Variants in FBXO36 observed in about 807,000 individuals in gnomAD.
The protein encoded by FBXO36 is F-box only protein 36.
In FBXO36, 18 loss-of-function variants were observed where a neutral mutation model predicts 17.0. The observed-to-expected ratio is 1.06, with a 90% confidence interval of 0.73 to 1.57. The LOEUF (loss-of-function observed/expected upper bound fraction) is 1.57, where lower values mean the gene tolerates loss of function less well. FBXO36 is among the 40% of genes most tolerant of loss of function. The probability of loss-of-function intolerance (pLI) is 0.00; values close to 1 mark genes in which losing one functional copy is unlikely to be tolerated. For missense variants in FBXO36, 229 were observed against 221.9 expected (o/e 1.03, Z -0.20); for synonymous variants, 83 against 85.3 (o/e 0.97, Z 0.15).
intron 2 of FBXO36, among the ~76,000 whole-genome samples, chr2:229,985,414 C>G (rs1013528773): frequency 6.6e-6 from 1 of 152,068 alleles, no homozygotes; most frequent in Non-Finnish European, 1.5e-5. Flanking sequence ...CTCTAGGTTT[C>G]TTTTTTAGAC....
intron 1 of FBXO36, among the ~76,000 whole-genome samples, chr2:229,971,368 A>G (rs2077179282): frequency 6.6e-6 from 1 of 151,932 alleles, no homozygotes. Context: ...AGAAAAAAAA[A>G]AAAAAAGAAC....
At chr2:229,982,665 G>A (rs917290941) in intron 2 of FBXO36, among the ~76,000 whole-genome samples, 6 of 151,288 alleles carry the variant, frequency 4.0e-5, no homozygotes, top group African/African-American at 1.5e-4. Context: ...AATTTAGCCA[G>A]GCATGGTGGT....
intron 3 of FBXO36, among the ~76,000 whole-genome samples, chr2:229,999,847 C>T (rs2077348842): frequency 6.6e-6 from 1 of 151,986 alleles, no homozygotes. Flanking sequence ...TTTTCTGCTC[C>T]TCCTCTTCCT....
intron 2 of FBXO36, among the ~76,000 whole-genome samples, chr2:229,993,901 G>A (rs1282302528): frequency 6.6e-6 from 1 of 150,834 alleles, no homozygotes; most frequent in Non-Finnish European, 1.5e-5. Context: ...GACTACAGGC[G>A]CCCACCACCA....
intron 1 of FBXO36, among the ~76,000 whole-genome samples, chr2:229,969,403 T>A (rs1039797502): frequency 3.2e-4 from 48 of 149,986 alleles, no homozygotes; most frequent in African/African-American, 1.1e-3. Context: ...AAAAAAAAAA[T>A]TCAGGCCAGG....
intron 1 of FBXO36, among the ~76,000 whole-genome samples, chr2:229,938,929 T>C (rs1213170598): frequency 1.3e-5 from 2 of 148,802 alleles, no homozygotes; most frequent in African/African-American, 5.0e-5. Flanking sequence ...CCCGCCACCA[T>C]GCCCGGCTAA....
chr2:229,943,285 T>G (rs1275543492), intron 1 of FBXO36: 1 of 152,240 alleles, frequency 6.6e-6, no homozygotes, highest in African/African-American at 2.4e-5. Flanking sequence ...CCTCTTTTCT[T>G]TGCTCAAATC....
At chr2:229,987,563 G>A (rs1471474172) in intron 2 of FBXO36, among the ~76,000 whole-genome samples, 1 of 151,944 alleles carries the variant, frequency 6.6e-6, no homozygotes, top group African/African-American at 2.4e-5. Context: ...CTTTCCTTAA[G>A]TCTGGTTTGT....
intron 1 of FBXO36, among the ~76,000 whole-genome samples, chr2:229,942,039 TG>T (rs1481376974): frequency 6.6e-6 from 1 of 151,898 alleles, no homozygotes; most frequent in Non-Finnish European, 1.5e-5. Flanking sequence ...AAAATTTAGA[TG>T]GGCTTAATGC....
intron 3 of FBXO36, among the ~76,000 whole-genome samples, chr2:230,009,163 C>T (rs2077401909): frequency 6.6e-6 from 1 of 152,042 alleles, no homozygotes; most frequent in Admixed American, 6.6e-5. Context: ...TTTCTTCCTC[C>T]CCAGGAGGAA....
chr2:229,954,925 C>A (rs954124153), intron 1 of FBXO36, among the ~76,000 whole-genome samples: 2 of 151,640 alleles, frequency 1.3e-5, no homozygotes, highest in African/African-American at 2.4e-5. Context: ...TCTCGGCTCA[C>A]TGCAACCTCT....
chr2:229,932,146 A>G (rs1436102727), intron 1 of FBXO36, among the ~76,000 whole-genome samples: 1 of 151,816 alleles, frequency 6.6e-6, no homozygotes, highest in Non-Finnish European at 1.5e-5. Context: ...CTTCAGGAGG[A>G]CGAGGTGGGC....
Position 229,922,731 on chromosome 2 carries a change from T to C in FBXO36, c.96+122T>C, listed in dbSNP as rs374860333. Reference sequence around the variant, plus strand: ...CCCGCCGGAAGCGCCCAGTCCCGGCTCCGCGCCGGGAGATTTTCCTCGTCA... The same window carrying C: ...CCCGCCGGAAGCGCCCAGTCCCGGCCCCGCGCCGGGAGATTTTCCTCGTCA... On this transcript the variant is annotated intron_variant, in intron 1 of 3. Coordinates refer to ENST00000283946, the MANE Select transcript of FBXO36 (RefSeq NM_174899.5). 7.2e-6 allele frequency: 7 copies of C among 966,636 alleles called. No homozygotes were observed. In the African/African-American group the frequency reaches 1.0e-4, roughly 14 times the overall value. The allele number at this position is 966,636 out of a possible 1,614,324, so 59.9% of individuals were successfully genotyped here. A position where few individuals can be genotyped will look rare whatever the true frequency, so the allele number is the denominator to read the frequency against.
intron 1 of FBXO36, among the ~76,000 whole-genome samples, chr2:229,939,530 G>A (rs532129986): frequency 6.6e-6 from 1 of 152,174 alleles, no homozygotes; most frequent in South Asian, 2.1e-4. Flanking sequence ...AGAATCGCTT[G>A]AGCCCGGGAA....
At chr2:229,954,570 G>A (rs1464204946) in intron 1 of FBXO36, among the ~76,000 whole-genome samples, 15 of 107,900 alleles carry the variant, frequency 1.4e-4, no homozygotes, top group East Asian at 2.8e-4. Flanking sequence ...TTTTTGAGAC[G>A]GGAGTCTCGC....
intron 1 of FBXO36, chr2:229,939,125 C>A: frequency 2.2e-6 from 1 of 446,220 alleles, no homozygotes; most frequent in Non-Finnish European, 2.9e-6. Flanking sequence ...GCCATCTTGG[C>A]TCACCGCAAC....
intron 1 of FBXO36, among the ~76,000 whole-genome samples, chr2:229,938,306 C>T (rs1350109599): frequency 1.4e-5 from 2 of 145,622 alleles, no homozygotes; most frequent in Non-Finnish European, 3.0e-5. Flanking sequence ...ACCGCACCCT[C>T]CGCCTCCTGG....
At chr2:229,978,813 T>C (rs2077223192) in intron 2 of FBXO36, among the ~76,000 whole-genome samples, 1 of 152,030 alleles carries the variant, frequency 6.6e-6, no homozygotes, top group Non-Finnish European at 1.5e-5. Context: ...CTCAAAAAAA[T>C]CAAGCACGAT....
chr2:229,995,584 C>T (rs796948601), intron 2 of FBXO36, among the ~76,000 whole-genome samples: 26 of 73,176 alleles, frequency 3.6e-4, no homozygotes, highest in South Asian at 1.0e-3. Context: ...CTTTCTTTCT[C>T]TTTCTTTCTT....
Sources: gnomAD v4.1 joint callset for allele counts (sites outside exome capture counted in the v4.1 genomes callset) on GRCh38, gnomAD v4.1.1 for gene constraint, MANE v1.5 for transcripts, NCBI Gene and HGNC (gene_info 2026-07-23, HGNC 2026-07-21) for gene names.